SNX18: variants seen among roughly 807,000 people sequenced by gnomAD.
SNX18 encodes the protein sorting nexin 18, also known as sorting nexin-18.
SNX18 carries 35 observed loss-of-function variants against 48.7 expected under a neutral mutation model. The observed-to-expected ratio is 0.72, with a 90% confidence interval of 0.55 to 0.95. SNX18 has a LOEUF of 0.95. Ranked by LOEUF, SNX18 falls within the 40% of genes least tolerant of loss-of-function variation. The pLI is 0.00. For synonymous variants in SNX18, 492 were observed against 384.7 expected (o/e 1.28, Z -3.26); for missense variants, 824 against 871.0 (o/e 0.95, Z 0.68).
chr5:54,581,655 A>G, the SNX18 span, among the ~76,000 whole-genome samples: 1 of 152,264 alleles, frequency 6.6e-6, no homozygotes, highest in Admixed American at 6.5e-5. Flanking sequence ...GTCAGCAAAG[A>G]AATACTTCCC....
At chr5:54,557,238 C>T in the SNX18 span, among the ~76,000 whole-genome samples, 1 of 152,152 alleles carries the variant, frequency 6.6e-6, no homozygotes, top group African/African-American at 2.4e-5. Context: ...CAGAAATTTA[C>T]AAAGCAGTAA....
the SNX18 span, among the ~76,000 whole-genome samples, chr5:54,572,726 TTGTGTGTG>T: frequency 2.8e-4 from 11 of 38,630 alleles, no homozygotes; most frequent in African/African-American, 8.4e-4. Context: ...CTCCTCCAAA[TTGTGTGTG>T]TGTGTGTGTG....
At chr5:54,621,820 C>T in the SNX18 span, among the ~76,000 whole-genome samples, 1 of 152,164 alleles carries the variant, frequency 6.6e-6, no homozygotes, top group African/African-American at 2.4e-5. Flanking sequence ...GCCTAGTCAA[C>T]CCTCCAATAA....
intron 1 of SNX18, among the ~76,000 whole-genome samples, chr5:54,527,749 G>C (rs1762163422): frequency 6.6e-6 from 1 of 152,192 alleles, no homozygotes; most frequent in Non-Finnish European, 1.5e-5. Context: ...GTGTTGTATA[G>C]CTGTTAACTA....
the SNX18 span, among the ~76,000 whole-genome samples, chr5:54,611,557 A>G: frequency 6.6e-6 from 1 of 152,174 alleles, no homozygotes; most frequent in African/African-American, 2.4e-5. Context: ...CTCCAGGAAC[A>G]ACTTAAGGGG....
chr5:54,568,715 T>C, the SNX18 span, among the ~76,000 whole-genome samples: 5 of 152,230 alleles, frequency 3.3e-5, no homozygotes, highest in African/African-American at 1.2e-4. Flanking sequence ...TGAGCTTTAA[T>C]TGAAGAATCA....
At position 54,517,862 on chromosome 5, in the gene SNX18, G is replaced by A; in HGVS notation, c.-91G>A. ...TGCCGCCTTCGGGGCTCCAGTCCGC[G>A]CGCCAGGGCTCGAGCAGTACCGCGG... is the stretch of plus-strand genomic sequence containing the variant. On this transcript the variant is annotated 5_prime_UTR_variant, in exon 1 of 2. Coordinates refer to ENST00000381410, the MANE Select transcript of SNX18 (RefSeq NM_001102575.2). The A allele has an allele frequency of 7.7e-7, 1 of 1,306,350 alleles. No homozygotes were observed. Among genetic ancestry groups the A allele is most frequent in the Non-Finnish European group, 9.8e-7 (1 of 1,022,354 alleles). The allele number at this position is 1,306,350 out of a possible 1,614,324, so 80.9% of individuals were successfully genotyped here.
the SNX18 span, among the ~76,000 whole-genome samples, chr5:54,596,298 C>T: frequency 6.6e-6 from 1 of 152,184 alleles, no homozygotes; most frequent in African/African-American, 2.4e-5. Flanking sequence ...GTCCTCCCGT[C>T]TGAGGGCCAG....
At chr5:54,574,348 C>T in the SNX18 span, among the ~76,000 whole-genome samples, 7 of 152,138 alleles carry the variant, frequency 4.6e-5, no homozygotes, top group South Asian at 4.2e-4. Context: ...ACTTAGATCC[C>T]GGAGTGGGCA....
intron 1 of SNX18, among the ~76,000 whole-genome samples, chr5:54,521,807 A>G (rs1169610523): frequency 3.9e-5 from 6 of 152,072 alleles, no homozygotes; most frequent in Admixed American, 6.5e-5. Context: ...GGCTCAAGCA[A>G]TCCTTCCAGC....
At chr5:54,525,215 G>A (rs1348721948) in intron 1 of SNX18, among the ~76,000 whole-genome samples, 1 of 152,168 alleles carries the variant, frequency 6.6e-6, no homozygotes, top group Non-Finnish European at 1.5e-5. Flanking sequence ...GTCACTAAAT[G>A]TTTATTTTTG....
chr5:54,554,854 G>A, the SNX18 span, among the ~76,000 whole-genome samples: 6 of 152,152 alleles, frequency 3.9e-5, no homozygotes, highest in Admixed American at 3.3e-4. Flanking sequence ...AGATTATATC[G>A]GGGTCTTCCT....
the SNX18 span, among the ~76,000 whole-genome samples, chr5:54,616,581 A>T: frequency 6.6e-6 from 1 of 152,128 alleles, no homozygotes; most frequent in Admixed American, 6.6e-5. Context: ...GAGACTGGCC[A>T]ATATGGTGAA....
the SNX18 span, among the ~76,000 whole-genome samples, chr5:54,590,259 G>A: frequency 1.3e-5 from 2 of 152,338 alleles, no homozygotes; most frequent in African/African-American, 4.8e-5. Flanking sequence ...TATTTCCAAT[G>A]CTGTCAGATG....
At chr5:54,548,689 G>C (rs1459430613), downstream of SNX18, among the ~76,000 whole-genome samples, 2 of 152,202 alleles carry the variant, frequency 1.3e-5, no homozygotes, top group Non-Finnish European at 2.9e-5. Flanking sequence ...ACAGACATGG[G>C]AGATGATAAC....
chr5:54,549,533 C>A (rs1292356476), downstream of SNX18, among the ~76,000 whole-genome samples: 7 of 152,154 alleles, frequency 4.6e-5, no homozygotes, highest in Non-Finnish European at 8.8e-5. Context: ...AGAGGTTCAG[C>A]TCTCCAGAGA....
the SNX18 span, chr5:54,645,518 C>CT: frequency 6.6e-6 from 1 of 152,196 alleles, no homozygotes. Context: ...TATCTTGCTT[C>CT]TTCCCCCAGT....
the SNX18 span, among the ~76,000 whole-genome samples, chr5:54,577,564 A>G: frequency 6.6e-6 from 1 of 152,132 alleles, no homozygotes; most frequent in Non-Finnish European, 1.5e-5. Flanking sequence ...CCACAGTCAC[A>G]TAGCTGGTTT....
At chr5:54,536,242 T>A (rs573924821) in intron 1 of SNX18, among the ~76,000 whole-genome samples, 40 of 152,066 alleles carry the variant, frequency 2.6e-4, no homozygotes, top group Admixed American at 1.5e-3. Context: ...CATTTTTTTT[T>A]TATTATACTT....
Sources: allele counts gnomAD v4.1 joint callset (sites outside exome capture counted in the v4.1 genomes callset), GRCh38; gene constraint gnomAD v4.1.1; transcripts MANE v1.5; gene names NCBI Gene and HGNC (gene_info 2026-07-23, HGNC 2026-07-21).